Variants in TTC28 observed in about 807,000 individuals in gnomAD.
TTC28 encodes tetratricopeptide repeat domain 28, also known as tetratricopeptide repeat protein 28.
Under a neutral mutation model 198.0 loss-of-function variants are expected in TTC28, and 61 were observed. The ratio of observed to expected loss-of-function variants is 0.31; its 90% confidence interval spans 0.25 to 0.38. TTC28 has a LOEUF of 0.38. TTC28 is among the 10% of genes least tolerant of loss of function. The probability of loss-of-function intolerance (pLI) is 1.00; values close to 1 mark genes in which losing one functional copy is unlikely to be tolerated. For missense variants in TTC28, 2,678 were observed against 3,164.0 expected (o/e 0.85, Z 3.69); for synonymous variants, 1,171 against 1,297.8 (o/e 0.90, Z 2.10).
In TTC28 at chr22:28,108,010, T is replaced by C; in HGVS notation, c.1835A>G (p.Gln612Arg). 1 of 1,551,604 alleles carries C rather than the reference T, an allele frequency of 6.4e-7. No homozygotes were observed. ...NFHCSRGEYV[Q>R]AAPYYEQYLR... Reference sequence around the variant, plus strand: ...GTACTGTTCATAATAGGGGGCAGCCTGGACATACTCTCCCCGAGAGCAGTG... The same window carrying C: ...GTACTGTTCATAATAGGGGGCAGCCCGGACATACTCTCCCCGAGAGCAGTG... The change falls in exon 7 of 23, where the codon CAG (glutamine) becomes CGG (arginine). Residue 612 changes from glutamine to arginine, a missense_variant. Gln to Arg is a conservative substitution (Grantham distance 43). Around this residue, in one of 8 missense-constraint regions of TTC28, gnomAD observed 775 missense variants for 845.9 expected, o/e 0.92. Coordinates refer to ENST00000397906, the MANE Select transcript of TTC28 (RefSeq NM_001145418.2).
intron 5 of TTC28, among the ~76,000 whole-genome samples, chr22:28,200,174 G>T (rs1925799811): frequency 6.6e-6 from 1 of 152,086 alleles, no homozygotes; most frequent in Admixed American, 6.5e-5. Flanking sequence ...CTACAGACTT[G>T]AATTCCTGGG....
chr22:28,431,508 T>C (rs1204956076), intron 2 of TTC28, among the ~76,000 whole-genome samples: 1 of 152,232 alleles, frequency 6.6e-6, no homozygotes, highest in Non-Finnish European at 1.5e-5. Flanking sequence ...TCAATATAAA[T>C]AGTAACTCTA....
At chr22:28,323,409 A>C (rs186851121) in intron 2 of TTC28, among the ~76,000 whole-genome samples, 6 of 152,234 alleles carry the variant, frequency 3.9e-5, no homozygotes, top group Non-Finnish European at 5.9e-5. Context: ...CTATCAGATA[A>C]ATTTAATAAA....
At chr22:28,469,483 A>T (rs540381545) in intron 2 of TTC28, among the ~76,000 whole-genome samples, 4 of 152,298 alleles carry the variant, frequency 2.6e-5, no homozygotes, top group Admixed American at 6.5e-5. Context: ...TCAAAAAAAT[A>T]AAAAAATGGG....
intron 17 of TTC28, chr22:27,994,450 G>GTTTTTTTTTT (rs138647): frequency 7.4e-6 from 1 of 136,010 alleles, no homozygotes; most frequent in Non-Finnish European, 1.6e-5. Flanking sequence ...GTCACCTGAG[G>GTTTTTTTTTT]TTTTTTTTTT....
At chr22:28,204,049 C>T (rs946344304) in intron 5 of TTC28, among the ~76,000 whole-genome samples, 3 of 152,212 alleles carry the variant, frequency 2.0e-5, no homozygotes, top group Non-Finnish European at 4.4e-5. Flanking sequence ...TGATTCCTCT[C>T]AAGTGTAAAC....
At chr22:28,426,170 A>G (rs923775855) in intron 2 of TTC28, among the ~76,000 whole-genome samples, 1 of 150,838 alleles carries the variant, frequency 6.6e-6, no homozygotes, top group South Asian at 2.1e-4. Flanking sequence ...TGAGATCGCA[A>G]CACTGCACGC....
rs112686882 is a variant in TTC28, at chr22:28,304,971, ATTATTTATTTAT to A, written c.529+1513_529+1524del. 3.2e-3 allele frequency among the ~76,000 whole-genome samples: 472 copies of A among 147,982 alleles called. 1 individual carries two copies. The highest frequency in any genetic ancestry group is 8.3e-3 in the African/African-American group (332 of 39,982). ...GCTGTAAGTCAGAGTTTGTTTATTT[ATTATTTATTTAT>A]TTATTTATTTATTTATTTATTTTGA... On this transcript the variant is annotated intron_variant, in intron 3 of 22. Coordinates refer to ENST00000397906, the MANE Select transcript of TTC28 (RefSeq NM_001145418.2).
At chr22:28,235,546 T>C (rs1450474499) in intron 5 of TTC28, among the ~76,000 whole-genome samples, 1 of 152,214 alleles carries the variant, frequency 6.6e-6, no homozygotes. Flanking sequence ...GAAAACATTT[T>C]ATAAAGTTTC....
intron 5 of TTC28, among the ~76,000 whole-genome samples, chr22:28,184,303 G>A (rs1485134090): frequency 1.3e-5 from 2 of 152,046 alleles, no homozygotes; most frequent in Admixed American, 6.6e-5. Flanking sequence ...AATCTGTTTT[G>A]TATATTTGTT....
At chr22:28,301,644 G>A (rs1230378270) in intron 3 of TTC28, among the ~76,000 whole-genome samples, 1 of 152,090 alleles carries the variant, frequency 6.6e-6, no homozygotes, top group Non-Finnish European at 1.5e-5. Context: ...GCTATGAAAT[G>A]GTGTGTCACT....
chr22:28,450,394 G>A (rs1280552238), intron 2 of TTC28, among the ~76,000 whole-genome samples: 2 of 152,124 alleles, frequency 1.3e-5, no homozygotes, highest in African/African-American at 4.8e-5. Context: ...TCAAACCCTA[G>A]ATCCACCACT....
intron 5 of TTC28, among the ~76,000 whole-genome samples, chr22:28,248,052 C>T (rs568770485): frequency 6.6e-6 from 1 of 152,336 alleles, no homozygotes; most frequent in Admixed American, 6.5e-5. Context: ...AACTCAGTCA[C>T]ACTGTTTGCT....
intron 2 of TTC28, among the ~76,000 whole-genome samples, chr22:28,588,666 C>T (rs2050366637): frequency 6.6e-6 from 1 of 152,216 alleles, no homozygotes; most frequent in Non-Finnish European, 1.5e-5. Flanking sequence ...GGTTCAATGG[C>T]ATACAATACC....
At chr22:28,246,172 T>C (rs1029367122) in intron 5 of TTC28, among the ~76,000 whole-genome samples, 3 of 152,176 alleles carry the variant, frequency 2.0e-5, no homozygotes, top group Non-Finnish European at 4.4e-5. Flanking sequence ...CAATGTTTAA[T>C]AATAGAAAGA....
intron 2 of TTC28, among the ~76,000 whole-genome samples, chr22:28,470,768 G>T (rs543125877): frequency 7.9e-5 from 12 of 152,302 alleles, no homozygotes; most frequent in Admixed American, 5.9e-4. Flanking sequence ...TAAAACAGCC[G>T]TCTGAGAAGG....
At position 28,206,119 on chromosome 22, in the gene TTC28, A is replaced by T. The variant is rs558746170; in HGVS notation, c.934-42520T>A. Among the ~76,000 whole-genome samples the T allele has an allele frequency of 5.3e-5, 8 of 152,240 alleles. 1 individual carries two copies. The highest frequency in any genetic ancestry group is 3.4e-3 in the Middle Eastern group (1 of 294). ...AAGCCAGCTTGCAAAGTCTACTCCCATGATTATTCTAATTATGCATTGGGT... is the reference window on the plus strand; with the variant it reads ...AAGCCAGCTTGCAAAGTCTACTCCCTTGATTATTCTAATTATGCATTGGGT... On this transcript the variant is annotated intron_variant, in intron 5 of 22. Coordinates refer to ENST00000397906, the MANE Select transcript of TTC28 (RefSeq NM_001145418.2).
At chr22:28,636,127 ATTTTT>A (rs71316851) in intron 1 of TTC28, among the ~76,000 whole-genome samples, 64 of 65,736 alleles carry the variant, frequency 9.7e-4, no homozygotes, top group African/African-American at 3.7e-3. Flanking sequence ...AAATGTCAGG[ATTTTT>A]TTTTTTTTTT....
At chr22:28,502,917 C>T (rs2048556780) in intron 2 of TTC28, among the ~76,000 whole-genome samples, 1 of 152,060 alleles carries the variant, frequency 6.6e-6, no homozygotes, top group East Asian at 1.9e-4. Flanking sequence ...CTAGCTTTGG[C>T]TTTTTTTGGA....
Sources: allele counts gnomAD v4.1 joint callset (sites outside exome capture counted in the v4.1 genomes callset), GRCh38; gene constraint gnomAD v4.1.1; regional missense constraint gnomAD v4.1.1; transcripts MANE v1.5; gene names NCBI Gene and HGNC (gene_info 2026-07-23, HGNC 2026-07-21).